The following ZNF282 variants were observed in gnomAD, a reference collection of about 807,000 sequenced individuals.
ZNF282 encodes HTLV-I U5 repressive element-binding protein 1.
ZNF282 carries 30 observed loss-of-function variants against 61.9 expected under a neutral mutation model. That is an observed-to-expected ratio of 0.48 (90% CI 0.36 to 0.66). ZNF282 has a LOEUF of 0.66. Ranked by LOEUF, ZNF282 falls within the 30% of genes least tolerant of loss-of-function variation. The probability of loss-of-function intolerance (pLI) is 0.00; values close to 1 mark genes in which losing one functional copy is unlikely to be tolerated. For missense variants in ZNF282, 788 were observed against 941.4 expected, an observed-to-expected ratio of 0.84 and a Z score of 2.13; for synonymous variants, 396 against 405.0, an observed-to-expected ratio of 0.98 and a Z score of 0.27.
chr7:149,198,429 G>C lies in ZNF282; in HGVS notation c.262G>C (p.Glu88Gln). Residue 88 changes from glutamate (E) to glutamine (Q), a missense_variant, in exon 2 of 8, where the codon GAG becomes CAG. Physicochemically the swap from Glu to Gln is conservative, Grantham distance 29 (BLOSUM62 2). Around this residue, in one of 3 missense-constraint regions of ZNF282, gnomAD observed 137 missense variants for 135.4 expected, o/e 1.01. Coordinates refer to ENST00000610704, the MANE Select transcript of ZNF282 (RefSeq NM_003575.4). This position sits in a 1 kb window ranked among gnomAD's most constrained non-coding sequence, Gnocchi z 4.3. ...APVFPDRMMR[E>Q]PQLPTAEISL... ...TGTCTTCCCCGACCGCATGATGCGAGAGCCCCAGTTGCCCACAGCAGAGAT... is the reference window on the plus strand; with the variant it reads ...TGTCTTCCCCGACCGCATGATGCGACAGCCCCAGTTGCCCACAGCAGAGAT... 1.2e-6 allele frequency: 2 copies of C among 1,614,198 alleles called. No homozygotes were observed. The highest frequency in any genetic ancestry group is 2.2e-5 in the South Asian group (2 of 91,084).
intron 1 of ZNF282, among the ~76,000 whole-genome samples, chr7:149,196,954 C>T (rs1795826789): frequency 6.6e-6 from 1 of 152,188 alleles, no homozygotes; most frequent in East Asian, 1.9e-4. Flanking sequence ...CTCCCCTTTT[C>T]CTAGCCTGAG....
intron 4 of ZNF282, among the ~76,000 whole-genome samples, chr7:149,209,212 C>T (rs1186144015): frequency 1.3e-5 from 2 of 151,466 alleles, no homozygotes; most frequent in Admixed American, 6.6e-5. Flanking sequence ...GTCCCAGCTA[C>T]TCGGGAGGCT....
chr7:149,207,605 G>C (rs932385028), intron 4 of ZNF282, 135 bp downstream of exon 4: 1 of 1,351,384 alleles, frequency 7.4e-7, no homozygotes, highest in African/African-American at 1.5e-5. Context: ...CCAGGGGCCA[G>C]TTCTGCCAGA....
chr7:149,204,639 C>A (rs1795964737), intron 2 of ZNF282, among the ~76,000 whole-genome samples: 1 of 152,100 alleles, frequency 6.6e-6, no homozygotes, highest in South Asian at 2.1e-4. Context: ...TACCTGAGAT[C>A]AAAGACAGAC....
intron 2 of ZNF282, among the ~76,000 whole-genome samples, chr7:149,203,438 C>T (rs1435084293): frequency 6.6e-6 from 1 of 152,214 alleles, no homozygotes; most frequent in Non-Finnish European, 1.5e-5. Flanking sequence ...CTTTGAACTC[C>T]TGGGCTCAAG....
chr7:149,201,917 G>GC (rs1795917517), intron 2 of ZNF282, among the ~76,000 whole-genome samples: 3 of 151,914 alleles, frequency 2.0e-5, no homozygotes, highest in Admixed American at 6.6e-5. Context: ...CACCACGTGC[G>GC]CCCCCAGCTC....
chr7:149,224,706 A>T lies in ZNF282; in HGVS notation c.*59A>T. On this transcript the variant is annotated 3_prime_UTR_variant, in exon 8 of 8. Coordinates refer to ENST00000610704, the MANE Select transcript of ZNF282 (RefSeq NM_003575.4). ...TGGATCGGGGGCGGCCTGAGCACCA[A>T]CCACCTTGCCGGGTGTCCTCAGCCA... is the stretch of plus-strand genomic sequence containing the variant. 2 of 1,443,248 alleles carry T rather than the reference A, an allele frequency of 1.4e-6. No individual in the cohort carries two copies. Among genetic ancestry groups the T allele is most frequent in the Non-Finnish European group, 1.8e-6 (2 of 1,102,906 alleles). The allele number at this position is 1,443,248 out of a possible 1,614,324, so 89.4% of individuals were successfully genotyped here. A position where few individuals can be genotyped will look rare whatever the true frequency, so the allele number is the denominator to read the frequency against.
chr7:149,210,539 G>A, intron 4 of ZNF282, 46 bp from the exon 5 acceptor site: 1 of 1,599,272 alleles, frequency 6.3e-7, no homozygotes, highest in East Asian at 2.2e-5. Flanking sequence ...AGCTCCTGGT[G>A]CCTGCAGAAA....
At position 149,198,576 on chromosome 7, in the gene ZNF282, GAA is replaced by G. The variant is rs750103234; in HGVS notation, c.412_413del (p.Lys138AspfsTer86). Reference protein sequence around the residue: ...GTAEKKLADCEKTAVEFGNHM... With the variant: ...GTAEKKLADCXKTAVEFGNHM... ...AGCCGAGAAGAAGCTGGCCGACTGT[GAA>G]AAGACGGCCGTGGAATTTGGGAACC... On this transcript the variant is annotated frameshift_variant, in exon 2 of 8. Transcript: ENST00000610704. LOFTEE classifies it high-confidence loss of function. The surrounding 1 kb of genome is among the most constrained non-coding windows in gnomAD (Gnocchi z 4.3). 2 of 1,614,226 alleles carry G rather than the reference GAA, an allele frequency of 1.2e-6. No homozygotes were observed. The highest frequency in any genetic ancestry group is 2.7e-5 in the African/African-American group (2 of 75,064).
At chr7:149,212,317 G>A (rs755920858) in intron 5 of ZNF282, 41 bp from the exon 6 acceptor site, 4 of 1,421,842 alleles carry the variant, frequency 2.8e-6, no homozygotes, top group Admixed American at 4.3e-5. Context: ...AGGAGATTTC[G>A]CATCTTCTAA....
At chr7:149,195,885 C>T (rs1795808092) in intron 1 of ZNF282, 131 bp downstream of exon 1, 1 of 826,540 alleles carries the variant, frequency 1.2e-6, no homozygotes, top group South Asian at 5.5e-5. Flanking sequence ...CAGGCGAGGC[C>T]CGAGGCGGGC....
At chr7:149,201,684 A>C (rs1585560979) in intron 2 of ZNF282, among the ~76,000 whole-genome samples, 1 of 152,136 alleles carries the variant, frequency 6.6e-6, no homozygotes, top group African/African-American at 2.4e-5. Context: ...CCTGGGAGGC[A>C]GAGGCTGCAG....
chr7:149,200,070 C>CT (rs1207560448), intron 2 of ZNF282, among the ~76,000 whole-genome samples: 1 of 152,098 alleles, frequency 6.6e-6, no homozygotes, highest in African/African-American at 2.4e-5. Flanking sequence ...TCTCTTAAGT[C>CT]TTTTTTAATC....
At chr7:149,206,617 G>T (rs1389184406) in intron 2 of ZNF282, 79 bp from the exon 3 acceptor site, 1 of 1,599,150 alleles carries the variant, frequency 6.3e-7, no homozygotes, top group Non-Finnish European at 8.5e-7. Flanking sequence ...TGGGGAGTGG[G>T]TCTTGTGGCC....
intron 3 of ZNF282, 35 bp downstream of exon 3, chr7:149,206,857 C>T: frequency 1.2e-6 from 2 of 1,612,610 alleles, no homozygotes; most frequent in East Asian, 2.2e-5. Flanking sequence ...GGTGAGCCAT[C>T]TCTGCAGAGG....
rs185778924 is a variant in ZNF282, at chr7:149,208,450, G to A, written c.832+980G>A. Among the ~76,000 whole-genome samples, 502 of 151,828 alleles carry A rather than the reference G, an allele frequency of 3.3e-3. 2 individuals are homozygous for A. The highest frequency in any genetic ancestry group is 5.5e-3 in the Non-Finnish European group (376 of 67,954). On this transcript the variant is annotated intron_variant, in intron 4 of 7. Coordinates refer to ENST00000610704, the MANE Select transcript of ZNF282 (RefSeq NM_003575.4). ...ACTCCTGACCTCAAGTGATCCACCC[G>A]CCTCGGCCTCCCAAAGTGCTAGGAT...
chr7:149,215,328 G>C (rs551880408), intron 7 of ZNF282, among the ~76,000 whole-genome samples: 2 of 147,954 alleles, frequency 1.4e-5, no homozygotes, highest in African/African-American at 4.9e-5. Flanking sequence ...TCAGCCTCCC[G>C]AGTAGCTGGG....
chr7:149,214,267 A>G (rs994049887), intron 7 of ZNF282, among the ~76,000 whole-genome samples: 3 of 152,142 alleles, frequency 2.0e-5, no homozygotes, highest in Non-Finnish European at 4.4e-5. Flanking sequence ...CTCACATGCC[A>G]TCTTATAAAG....
intron 5 of ZNF282, among the ~76,000 whole-genome samples, chr7:149,211,941 C>T (rs1443435749): frequency 1.3e-5 from 2 of 152,164 alleles, no homozygotes; most frequent in East Asian, 3.8e-4. Flanking sequence ...TTAAAGGCTT[C>T]TTGTAACATT....
Sources: allele counts gnomAD v4.1 joint callset (sites outside exome capture counted in the v4.1 genomes callset), GRCh38; gene constraint gnomAD v4.1.1; regional missense constraint gnomAD v4.1.1; non-coding constraint Gnocchi (gnomAD v3.1); transcripts MANE v1.5; gene names NCBI Gene and HGNC (gene_info 2026-07-23, HGNC 2026-07-21).